The following PCDH15 variants were observed in gnomAD, a reference collection of about 807,000 sequenced individuals.
The protein encoded by PCDH15 is protocadherin related 15.
Under a neutral mutation model 178.5 loss-of-function variants are expected in PCDH15, and 129 were observed. The observed-to-expected ratio is 0.72, with a 90% CI of 0.63 to 0.84. PCDH15 has a LOEUF of 0.84. PCDH15 is among the 40% of genes least tolerant of loss of function. The pLI is 0.00. For synonymous variants in PCDH15, 800 were observed against 732.0 expected (o/e 1.09, Z -1.50); for missense variants, 2,230 against 2,099.9 (o/e 1.06, Z -1.21).
At chr10:55,086,035 T>TA (rs1842159903) in intron 2 of PCDH15, among the ~76,000 whole-genome samples, 1 of 151,678 alleles carries the variant, frequency 6.6e-6, no homozygotes, top group African/African-American at 2.4e-5. Context: ...ATGCAATCTT[T>TA]AAAAAATTGT....
chr10:55,343,000 T>C (rs914140043), intron 2 of PCDH15, among the ~76,000 whole-genome samples: 26 of 152,054 alleles, frequency 1.7e-4, no homozygotes, highest in Non-Finnish European at 7.4e-5. Context: ...ACCAAATGCA[T>C]AGAGGCATAA....
intron 2 of PCDH15, among the ~76,000 whole-genome samples, chr10:54,939,999 AT>A (rs1368761275): frequency 4.6e-5 from 7 of 152,010 alleles, no homozygotes; most frequent in Admixed American, 1.3e-4. Flanking sequence ...ACACCTTTTG[AT>A]TTTTTGGTTT....
chr10:54,853,436 T>C (rs1289183164), intron 3 of PCDH15, among the ~76,000 whole-genome samples: 2 of 138,380 alleles, frequency 1.4e-5, no homozygotes, highest in East Asian at 2.1e-4. Context: ...TATATACACA[T>C]ACACATATAT....
At chr10:54,636,892 A>C (rs544919823) in intron 2 of PCDH15, among the ~76,000 whole-genome samples, 1 of 152,126 alleles carries the variant, frequency 6.6e-6, no homozygotes, top group Admixed American at 6.6e-5. Context: ...AATGATTTAC[A>C]CAACGTCATA....
chr10:54,392,570 T>C (rs1307966183), intron 3 of PCDH15, among the ~76,000 whole-genome samples: 1 of 151,500 alleles, frequency 6.6e-6, no homozygotes, highest in Admixed American at 6.6e-5. Flanking sequence ...ATTGATAGTA[T>C]TTATAACGTT....
chr10:55,085,617 T>C (rs929975982), intron 2 of PCDH15, among the ~76,000 whole-genome samples: 1 of 151,840 alleles, frequency 6.6e-6, no homozygotes, highest in Non-Finnish European at 1.5e-5. Context: ...AATATATACA[T>C]CTACTACATA....
chr10:55,566,592 C>A (rs1842307135), intron 2 of PCDH15, among the ~76,000 whole-genome samples: 3 of 151,334 alleles, frequency 2.0e-5, no homozygotes, highest in Admixed American at 6.6e-5. Flanking sequence ...ATAGTAGAAC[C>A]AATAAATTAA....
At chr10:55,428,806 A>G (rs939956536) in intron 2 of PCDH15, among the ~76,000 whole-genome samples, 4 of 151,940 alleles carry the variant, frequency 2.6e-5, no homozygotes, top group Non-Finnish European at 5.9e-5. Context: ...GTGCACTCTC[A>G]TGAATTACAT....
chr10:54,580,570 G>A (rs1417221321), intron 2 of PCDH15, among the ~76,000 whole-genome samples: 1 of 151,868 alleles, frequency 6.6e-6, no homozygotes, highest in Non-Finnish European at 1.5e-5. Context: ...AAAAAATTAA[G>A]GAGGAACTCC....
At chr10:54,104,827 A>G (rs1412015131) in intron 15 of PCDH15, among the ~76,000 whole-genome samples, 1 of 126,226 alleles carries the variant, frequency 7.9e-6, no homozygotes, top group Non-Finnish European at 1.6e-5. Flanking sequence ...AGAGAGTGAG[A>G]CTCTGCCTCA....
intron 3 of PCDH15, among the ~76,000 whole-genome samples, chr10:54,485,749 G>A (rs1254530263): frequency 1.3e-5 from 2 of 152,002 alleles, no homozygotes; most frequent in East Asian, 3.9e-4. Context: ...GCCTTCAGCA[G>A]GGAGCATCCA....
chr10:55,235,099 A>G (rs922886483), intron 1 of PCDH15, among the ~76,000 whole-genome samples: 5 of 152,020 alleles, frequency 3.3e-5, no homozygotes, highest in African/African-American at 1.2e-4. Context: ...AAAAATAAGG[A>G]GTTTGGCATT....
At position 54,733,097 on chromosome 10, in the gene PCDH15, C is replaced by T. The variant is rs185165652; in HGVS notation, c.-29+67828G>A. Among the ~76,000 whole-genome samples the T allele has an allele frequency of 1.1e-4, 16 of 151,592 alleles. No individual in the cohort carries two copies. The East Asian group carries it at 2.7e-3, about 26-fold the overall frequency. On this transcript the variant is annotated intron_variant, in intron 1 of 37. Transcript: ENST00000644397. ...TGACAAAGCAAGTATATCTCTTCCT[C>T]ATCACTACTATAGAACATTGTTTTG...
chr10:54,026,596 G>A (rs1236202306), intron 18 of PCDH15, among the ~76,000 whole-genome samples: 1 of 152,050 alleles, frequency 6.6e-6, no homozygotes, highest in Non-Finnish European at 1.5e-5. Context: ...TGATGCTTAT[G>A]GAAAAAAAGA....
At chr10:54,764,264 A>G (rs1948244394) in intron 1 of PCDH15, among the ~76,000 whole-genome samples, 1 of 152,082 alleles carries the variant, frequency 6.6e-6, no homozygotes, top group Non-Finnish European at 1.5e-5. Context: ...AAGTACAAGA[A>G]CACAGTAAAT....
At chr10:54,379,930 G>A (rs1190558852) in intron 3 of PCDH15, among the ~76,000 whole-genome samples, 1 of 151,988 alleles carries the variant, frequency 6.6e-6, no homozygotes, top group Non-Finnish European at 1.5e-5. Flanking sequence ...AGAATATACA[G>A]AGAATCCATA....
chr10:55,189,174 G>A (rs1839878211), intron 1 of PCDH15, among the ~76,000 whole-genome samples: 1 of 151,654 alleles, frequency 6.6e-6, no homozygotes, highest in Admixed American at 6.6e-5. Flanking sequence ...TCTCAAGAAG[G>A]GTTACATATT....
chr10:54,630,849 A>G (rs1263940363), intron 2 of PCDH15, among the ~76,000 whole-genome samples: 1 of 152,172 alleles, frequency 6.6e-6, no homozygotes, highest in Non-Finnish European at 1.5e-5. Flanking sequence ...AGCAGAGGAC[A>G]TGAAGAGACA....
intron 11 of PCDH15, 28 bp downstream of exon 11, chr10:54,195,655 A>G (rs1449411907): frequency 1.3e-6 from 2 of 1,581,450 alleles, no homozygotes; most frequent in East Asian, 2.2e-5. Context: ...TGTTACACAA[A>G]CAAGAGCAAA....
Sources: allele counts gnomAD v4.1 joint callset (sites outside exome capture counted in the v4.1 genomes callset), GRCh38; gene constraint gnomAD v4.1.1; transcripts MANE v1.5; gene names NCBI Gene and HGNC (gene_info 2026-07-23, HGNC 2026-07-21).